The following CSMD1 variants were observed in gnomAD, a reference collection of about 807,000 sequenced individuals.
CSMD1 encodes CUB and sushi domain-containing protein 1.
A neutral mutation model predicts 417.5 loss-of-function variants in CSMD1; 213 were observed. The observed-to-expected ratio is 0.51, with a 90% confidence interval of 0.46 to 0.57. The LOEUF (loss-of-function observed/expected upper bound fraction) is 0.57. Ranked by LOEUF, CSMD1 falls within the 20% of genes least tolerant of loss-of-function variation. The pLI, the probability that CSMD1 is intolerant of heterozygous loss-of-function variation, is 0.00. For missense variants in CSMD1, 6,923 were observed against 4,529.7 expected (o/e 1.53, Z -15.17); for synonymous variants, 2,862 against 1,736.8 (o/e 1.65, Z -16.11).
intron 10 of CSMD1, among the ~76,000 whole-genome samples, chr8:3,508,231 G>A (rs555006226): frequency 2.0e-5 from 3 of 151,994 alleles, no homozygotes; most frequent in Non-Finnish European, 2.9e-5. Context: ...GGAATTTGAG[G>A]CACTTAAGTG....
intron 1 of CSMD1, among the ~76,000 whole-genome samples, chr8:4,731,412 T>G (rs926350423): frequency 2.6e-5 from 4 of 152,186 alleles, no homozygotes; most frequent in Admixed American, 2.6e-4. Context: ...TTTCATATTT[T>G]TCCGTATTGG....
At chr8:4,960,396 G>A (rs554315716) in intron 1 of CSMD1, among the ~76,000 whole-genome samples, 5 of 152,184 alleles carry the variant, frequency 3.3e-5, no homozygotes, top group African/African-American at 1.2e-4. Context: ...GAGCTGGCAA[G>A]CTACCGATCT....
intron 3 of CSMD1, among the ~76,000 whole-genome samples, chr8:4,260,353 C>G (rs1259908089): frequency 6.6e-6 from 1 of 152,106 alleles, no homozygotes; most frequent in East Asian, 1.9e-4. Context: ...CACTGAGTTG[C>G]TATTGATTTG....
rs149477589 is a variant in CSMD1, at chr8:3,148,682, A to C, written c.6031+2715T>G. Among the ~76,000 whole-genome samples the C allele has an allele frequency of 1.5e-4, 23 of 152,336 alleles. 1 individual carries two copies. The highest frequency in any genetic ancestry group is 5.5e-4 in the African/African-American group (23 of 41,584). On this transcript the variant is annotated intron_variant, in intron 40 of 69. Coordinates refer to ENST00000635120, the MANE Select transcript of CSMD1 (RefSeq NM_033225.6). ...TGTGGGGTTGAAAGCTAGGTAGTAAAATTTTCTCAGATTCTGCAAATTGCT... is the reference window on the plus strand; with the variant it reads ...TGTGGGGTTGAAAGCTAGGTAGTAACATTTTCTCAGATTCTGCAAATTGCT...
intron 50 of CSMD1, among the ~76,000 whole-genome samples, chr8:3,038,521 A>G (rs1810850469): frequency 6.6e-6 from 1 of 152,118 alleles, no homozygotes; most frequent in Non-Finnish European, 1.5e-5. Context: ...TACTTCTAAA[A>G]CGTTCCTTAA....
Position 3,408,165 on chromosome 8 carries a change from T to G in CSMD1, c.1805A>C (p.Glu602Ala). 1 of 1,613,028 alleles carries G rather than the reference T, an allele frequency of 6.2e-7. No individual in the cohort carries two copies. Among genetic ancestry groups the G allele is most frequent in the African/African-American group, 1.3e-5 (1 of 75,012 alleles). Reference sequence around the variant, plus strand: ...ACAGTTCATGTTGTTCCCATATTCCTCTGGATAATTTGGTGACAGAATAAT... The same window carrying G: ...ACAGTTCATGTTGTTCCCATATTCCGCTGGATAATTTGGTGACAGAATAAT... ...SGIILSPNYP[E>A]EYGNNMNCVW... The change falls in exon 14 of 70, where the codon GAG becomes GCG. Residue 602 changes from glutamate (E) to alanine (A), a missense_variant. Glu to Ala is a moderately radical substitution (Grantham distance 107). Transcript: ENST00000635120.
chr8:3,847,099 C>T (rs997769839), intron 5 of CSMD1, among the ~76,000 whole-genome samples: 1 of 152,058 alleles, frequency 6.6e-6, no homozygotes, highest in Non-Finnish European at 1.5e-5. Flanking sequence ...CTAAGAGGAC[C>T]TCCATGCTCC....
chr8:4,297,802 G>T (rs751315401), intron 3 of CSMD1, among the ~76,000 whole-genome samples: 2 of 152,088 alleles, frequency 1.3e-5, no homozygotes, highest in Non-Finnish European at 2.9e-5. Context: ...GATTTTCAGT[G>T]AATTATATAA....
rs78399506 is a variant in CSMD1 at position 4,678,523 on chromosome 8, G to A, written c.86-40965C>T. ...GTTCTTGAGTTACTGTAGAATTAATGTTCAGTGAATTTCAGCAATAATTCT... is the reference window on the plus strand; with the variant it reads ...GTTCTTGAGTTACTGTAGAATTAATATTCAGTGAATTTCAGCAATAATTCT... On this transcript the variant is annotated intron_variant, in intron 1 of 69. Transcript: ENST00000635120. Among the ~76,000 whole-genome samples, 256 of 152,264 alleles carry A rather than the reference G, an allele frequency of 1.7e-3. 1 individual carries two copies. The highest frequency in any genetic ancestry group is 5.8e-3 in the African/African-American group (243 of 41,546).
intron 3 of CSMD1, among the ~76,000 whole-genome samples, chr8:4,151,306 A>G (rs891032693): frequency 2.0e-5 from 3 of 152,216 alleles, no homozygotes; most frequent in Non-Finnish European, 4.4e-5. Context: ...GCCTTGTTAT[A>G]GATCCTAAGA....
At chr8:3,052,192 G>T (rs755272655) in intron 50 of CSMD1, among the ~76,000 whole-genome samples, 2 of 152,168 alleles carry the variant, frequency 1.3e-5, no homozygotes, top group Admixed American at 6.5e-5. Flanking sequence ...GAAAATGGCA[G>T]CACAGAATAG....
At chr8:3,961,212 A>T (rs945184248) in intron 5 of CSMD1, among the ~76,000 whole-genome samples, 3 of 152,222 alleles carry the variant, frequency 2.0e-5, no homozygotes, top group Admixed American at 6.5e-5. Flanking sequence ...GTCTCAATTA[A>T]GGAGATTTTC....
chr8:3,219,045 C>T (rs1798049680), intron 29 of CSMD1, among the ~76,000 whole-genome samples: 1 of 151,970 alleles, frequency 6.6e-6, no homozygotes, highest in Non-Finnish European at 1.5e-5. Context: ...CAGTTTTTTT[C>T]CCCTCTCTTT....
chr8:4,709,339 G>C (rs1020647327), intron 1 of CSMD1, among the ~76,000 whole-genome samples: 1 of 152,170 alleles, frequency 6.6e-6, no homozygotes, highest in Non-Finnish European at 1.5e-5. Context: ...CTCTGTGTTG[G>C]ATTGGGGGAG....
intron 2 of CSMD1, among the ~76,000 whole-genome samples, chr8:4,439,617 T>G (rs1279572016): frequency 6.6e-6 from 1 of 152,154 alleles, no homozygotes; most frequent in Non-Finnish European, 1.5e-5. Context: ...TGTTTTAAGG[T>G]AAAGTAAAAC....
At chr8:4,326,044 T>C (rs1422505243) in intron 3 of CSMD1, among the ~76,000 whole-genome samples, 1 of 152,150 alleles carries the variant, frequency 6.6e-6, no homozygotes, top group Non-Finnish European at 1.5e-5. Flanking sequence ...TTTGTTGACC[T>C]AACACGGGAT....
chr8:4,907,585 G>A (rs1439779816), intron 1 of CSMD1, among the ~76,000 whole-genome samples: 1 of 151,954 alleles, frequency 6.6e-6, no homozygotes, highest in Non-Finnish European at 1.5e-5. Context: ...TTTGAGACAG[G>A]TTTTCACTCT....
intron 3 of CSMD1, among the ~76,000 whole-genome samples, chr8:4,101,388 T>C (rs1026186330): frequency 1.3e-5 from 2 of 152,196 alleles, no homozygotes; most frequent in African/African-American, 4.8e-5. Flanking sequence ...CTGACAACGA[T>C]CCCACTCAGG....
At chr8:3,997,265 T>A (rs1044792670) in intron 5 of CSMD1, among the ~76,000 whole-genome samples, 2 of 152,238 alleles carry the variant, frequency 1.3e-5, no homozygotes, top group East Asian at 1.9e-4. Flanking sequence ...CAAACGATAC[T>A]ATTCTTGCAA....
Sources: allele counts gnomAD v4.1 joint callset (sites outside exome capture counted in the v4.1 genomes callset), GRCh38; gene constraint gnomAD v4.1.1; transcripts MANE v1.5; gene names NCBI Gene and HGNC (gene_info 2026-07-23, HGNC 2026-07-21).